The following CFAP52 variants were observed in gnomAD, a reference collection of about 807,000 sequenced individuals.
CFAP52 encodes the protein cilia- and flagella-associated protein 52.
CFAP52 carries 57 observed loss-of-function variants against 70.5 expected under a neutral mutation model. The ratio of observed to expected loss-of-function variants is 0.81; its 90% CI spans 0.65 to 1.01. The LOEUF (loss-of-function observed/expected upper bound fraction) is 1.01, where lower values mean the gene tolerates loss of function less well. Among genes scored for constraint, CFAP52 ranks in the 50% least tolerant of loss-of-function variants. The probability of loss-of-function intolerance (pLI) is 0.00; values close to 1 mark genes in which losing one functional copy is unlikely to be tolerated. For missense variants in CFAP52, 785 were observed against 788.5 expected (o/e 1.00, Z 0.05); for synonymous variants, 267 against 292.5 (o/e 0.91, Z 0.89).
At chr17:9,608,940 G>C (rs1909613723) in intron 7 of CFAP52, among the ~76,000 whole-genome samples, 1 of 152,174 alleles carries the variant, frequency 6.6e-6, no homozygotes, top group East Asian at 1.9e-4. Flanking sequence ...TTAGCACATG[G>C]TCCAGATAAA....
intron 8 of CFAP52, among the ~76,000 whole-genome samples, chr17:9,624,540 A>G (rs1372130102): frequency 1.3e-5 from 2 of 152,058 alleles, no homozygotes; most frequent in Admixed American, 1.3e-4. Flanking sequence ...TTACATATAT[A>G]GTTTCTAGTT....
chr17:9,636,461 C>T (rs1445871217), intron 11 of CFAP52, among the ~76,000 whole-genome samples: 1 of 152,134 alleles, frequency 6.6e-6, no homozygotes, highest in African/African-American at 2.4e-5. Context: ...AGACCAAAGC[C>T]TGTGAACTTT....
chr17:9,614,776 C>T (rs1322140748), intron 8 of CFAP52, among the ~76,000 whole-genome samples: 2 of 152,154 alleles, frequency 1.3e-5, no homozygotes, highest in South Asian at 2.1e-4. Context: ...ACCCATCAGA[C>T]GCGAGTAGCA....
At chr17:9,610,467 G>T (rs575214572) in intron 7 of CFAP52, 1 of 152,114 alleles carries the variant, frequency 6.6e-6, no homozygotes, top group African/African-American at 2.4e-5. Flanking sequence ...AAGTCATGGA[G>T]ACTGGAAAGG....
chr17:9,611,356 CT>C (rs1233717769), intron 7 of CFAP52, among the ~76,000 whole-genome samples: 11 of 151,506 alleles, frequency 7.3e-5, no homozygotes, highest in Admixed American at 6.6e-4. Flanking sequence ...CCTAGTTTTT[CT>C]TTTTTTTCTT....
intron 8 of CFAP52, among the ~76,000 whole-genome samples, chr17:9,622,181 T>C (rs1910067936): frequency 6.6e-6 from 1 of 152,174 alleles, no homozygotes; most frequent in African/African-American, 2.4e-5. Flanking sequence ...AGTCTCTCTC[T>C]CTCTTTTTAA....
At chr17:9,632,773 T>G in intron 9 of CFAP52, 115 bp from the exon 10 acceptor site, 1 of 1,429,574 alleles carries the variant, frequency 7.0e-7, no homozygotes, top group South Asian at 1.5e-5. Context: ...GCTGGTCTCT[T>G]TCCTCCAGCA....
chr17:9,628,383 G>A lies in CFAP52; in HGVS notation c.1026-289G>A, dbSNP rs149630996. 3.9e-3 allele frequency among the ~76,000 whole-genome samples: 583 copies of A among 151,396 alleles called. 3 individuals are homozygous for A. The highest frequency in any genetic ancestry group is 0.013 in the African/African-American group (547 of 41,236). The stretch of plus-strand genomic sequence containing the variant: ...CAACCTTTGCCTTCCAGGTTCAAGC[G>A]ATTCTCCTGCCTCAGCCTCCTGAGT... On this transcript the variant is annotated intron_variant, in intron 8 of 13. Coordinates refer to ENST00000352665, the MANE Select transcript of CFAP52 (RefSeq NM_145054.5).
At chr17:9,606,384 TAC>T (rs34567855) in intron 6 of CFAP52, among the ~76,000 whole-genome samples, 146,465 of 150,470 alleles carry the variant, frequency 0.97, 71,360 homozygotes, top group East Asian at 1. Flanking sequence ...GTCTCCAAAA[TAC>T]ACACACACAC....
intron 4 of CFAP52, among the ~76,000 whole-genome samples, chr17:9,595,254 T>C (rs767006074): frequency 6.6e-6 from 1 of 152,146 alleles, no homozygotes; most frequent in Non-Finnish European, 1.5e-5. Flanking sequence ...AGTAGAACTA[T>C]TTTTTTCAAC....
At position 9,576,646 on chromosome 17, in the gene CFAP52, G is replaced by C. The variant is rs372786040; in HGVS notation, c.-50G>C. On this transcript the variant is annotated 5_prime_UTR_variant, in exon 1 of 14. Coordinates refer to ENST00000352665, the MANE Select transcript of CFAP52 (RefSeq NM_145054.5). The stretch of plus-strand genomic sequence containing the variant: ...TCGTCCGTTACCATAACGACCAGAA[G>C]ACGCTGCAGCCACTAGGGAGGAGAG... 17 of 1,536,574 alleles carry C rather than the reference G, an allele frequency of 1.1e-5. No homozygotes were observed. Among genetic ancestry groups the C allele is most frequent in the Non-Finnish European group, 1.5e-5 (17 of 1,128,708 alleles).
intron 9 of CFAP52, among the ~76,000 whole-genome samples, chr17:9,630,498 C>G (rs1419788238): frequency 2.0e-5 from 3 of 146,926 alleles, no homozygotes; most frequent in Admixed American, 6.7e-5. Flanking sequence ...GGCGCGATCT[C>G]GGCTCACTGC....
At chr17:9,616,040 G>T (rs982766133) in intron 8 of CFAP52, among the ~76,000 whole-genome samples, 1 of 151,172 alleles carries the variant, frequency 6.6e-6, no homozygotes, top group Non-Finnish European at 1.5e-5. Flanking sequence ...AGCTCCCAGC[G>T]TGAGCGACGC....
intron 8 of CFAP52, among the ~76,000 whole-genome samples, chr17:9,616,309 A>G (rs2151943985): frequency 7.8e-6 from 1 of 127,586 alleles, no homozygotes; most frequent in South Asian, 3.0e-4. Context: ...GAAACGGCGC[A>G]CCACGAGACT....
chr17:9,603,526 G>A (rs1909365223), intron 6 of CFAP52, among the ~76,000 whole-genome samples: 1 of 152,154 alleles, frequency 6.6e-6, no homozygotes, highest in Non-Finnish European at 1.5e-5. Context: ...GATATTTCAT[G>A]TTCATGGATA....
rs541541744 is a variant in CFAP52 at position 9,585,476 on chromosome 17, G to A, written c.71-297G>A. Among the ~76,000 whole-genome samples the A allele has an allele frequency of 1.1e-4, 16 of 152,198 alleles. No individual in the cohort carries two copies. In the East Asian group the frequency reaches 2.5e-3, roughly 24 times the overall value. Reference sequence around the variant, plus strand: ...GAGGTCAGCAGTTCAAGACCAGCCTGACCAACATGGTGAAACCCCGTCTCT... The same window carrying A: ...GAGGTCAGCAGTTCAAGACCAGCCTAACCAACATGGTGAAACCCCGTCTCT... On this transcript the variant is annotated intron_variant, in intron 1 of 13. Transcript: ENST00000352665.
At chr17:9,611,892 T>C (rs1023837243) in intron 7 of CFAP52, among the ~76,000 whole-genome samples, 1 of 152,212 alleles carries the variant, frequency 6.6e-6, no homozygotes, top group African/African-American at 2.4e-5. Context: ...TCCAACCTTT[T>C]ACTCTTTCAG....
At position 9,622,522 on chromosome 17, in the gene CFAP52, C is replaced by G. The variant is rs1373232074; in HGVS notation, c.1026-6150C>G. On this transcript the variant is annotated intron_variant, in intron 8 of 13. Transcript: ENST00000352665. Reference sequence around the variant, plus strand: ...CACCAGTGCATGCCAGCCTGGGTGACAGAGTAAGACCCTGTTTCTATTAAA... The same window carrying G: ...CACCAGTGCATGCCAGCCTGGGTGAGAGAGTAAGACCCTGTTTCTATTAAA... Among the ~76,000 whole-genome samples the G allele has an allele frequency of 2.0e-5, 3 of 150,450 alleles. No homozygotes were observed. The Admixed American group carries it at 2.0e-4, about 10-fold the overall frequency.
chr17:9,638,514 C>A, intron 11 of CFAP52, 95 bp from the exon 12 acceptor site: 1 of 1,210,012 alleles, frequency 8.3e-7, no homozygotes, highest in Non-Finnish European at 1.2e-6. Flanking sequence ...TAAACCAACC[C>A]AAATCCCAGC....
Sources: allele counts gnomAD v4.1 joint callset (sites outside exome capture counted in the v4.1 genomes callset), GRCh38; gene constraint gnomAD v4.1.1; transcripts MANE v1.5; gene names NCBI Gene and HGNC (gene_info 2026-07-23, HGNC 2026-07-21).